The following NCOR2 variants were observed in gnomAD, a reference collection of about 807,000 sequenced individuals.
The protein encoded by NCOR2 is CTG repeat protein 26.
NCOR2 carries 81 observed loss-of-function variants against 262.9 expected under a neutral mutation model. The observed-to-expected ratio is 0.31, with a 90% CI of 0.26 to 0.37. The LOEUF is 0.37. Ranked by LOEUF, NCOR2 falls within the 10% of genes least tolerant of loss-of-function variation. The pLI, the probability that NCOR2 is intolerant of heterozygous loss-of-function variation, is 1.00. For synonymous variants in NCOR2, 1,659 were observed against 1,559.3 expected (o/e 1.06, Z -1.51); for missense variants, 3,385 against 3,621.4 (o/e 0.93, Z 1.68).
intron 31 of NCOR2, 36 bp from the exon 34 acceptor site, chr12:124,344,987 A>G (rs751713389): frequency 6.7e-7 from 1 of 1,485,422 alleles, no homozygotes; most frequent in South Asian, 1.3e-5. Flanking sequence ...AGCCCTGGCC[A>G]CAGCCATAGC....
At chr12:124,335,756 G>A (rs1403765488) in intron 38 of NCOR2, 124 bp from the exon 41 acceptor site, 1 of 1,134,014 alleles carries the variant, frequency 8.8e-7, no homozygotes, top group East Asian at 2.5e-5. Context: ...GCTAGGGGTA[G>A]GGTTTGGGCT....
At chr12:124,507,287 G>A (rs1172660066) in intron 1 of NCOR2, among the ~76,000 whole-genome samples, 2 of 152,198 alleles carry the variant, frequency 1.3e-5, no homozygotes, top group Non-Finnish European at 2.9e-5. Flanking sequence ...AAACAATATG[G>A]CTATTCTTAA....
chr12:124,341,163 C>T (rs2036421327), intron 34 of NCOR2, among the ~76,000 whole-genome samples: 1 of 152,206 alleles, frequency 6.6e-6, no homozygotes. Context: ...TGAGGATGGC[C>T]CTGGAACGTG....
intron 9 of NCOR2, among the ~76,000 whole-genome samples, chr12:124,430,072 C>T (rs2043829212): frequency 6.6e-6 from 1 of 152,250 alleles, no homozygotes; most frequent in African/African-American, 2.4e-5. Flanking sequence ...TGGCACCTGG[C>T]TGCCTAGAGC....
intron 1 of NCOR2, among the ~76,000 whole-genome samples, chr12:124,510,805 T>C (rs967833298): frequency 3.9e-5 from 6 of 152,062 alleles, no homozygotes; most frequent in African/African-American, 1.4e-4. Flanking sequence ...GGCATCTCCA[T>C]GTCCACTTGA....
At chr12:124,372,470 G>T in exon 20 of NCOR2, 1 of 1,564,262 alleles carries the variant, frequency 6.4e-7, no homozygotes, top group Non-Finnish European at 8.6e-7. Flanking sequence ...ATGTCCTCCG[G>T]TGGTGGGGTG....
rs1487526261 is a variant in NCOR2, at chr12:124,495,023, C to T, written c.105+124G>A. The T allele has an allele frequency of 4.0e-6, 5 of 1,242,496 alleles. No individual in the cohort carries two copies. Among genetic ancestry groups the T allele is most frequent in the Non-Finnish European group, 5.5e-6 (5 of 908,474 alleles). The allele number at this position is 1,242,496 out of a possible 1,614,324, so 77.0% of individuals were successfully genotyped here. A position where few individuals can be genotyped will look rare whatever the true frequency, so the allele number is the denominator to read the frequency against. On this transcript the variant is annotated intron_variant, in intron 1 of 46. Coordinates refer to ENST00000405201, the Ensembl canonical transcript of NCOR2. This position sits in a 1 kb window ranked among gnomAD's most constrained non-coding sequence, Gnocchi z 4.4. ...AGGGGTCTCTGTGGCGGCCTCCCCT[C>T]TGCCCTGGGAGGCTCAGAGCCACAT...
chr12:124,377,335 T>C (rs1291466658), intron 18 of NCOR2, among the ~76,000 whole-genome samples: 2 of 152,114 alleles, frequency 1.3e-5, no homozygotes, highest in Admixed American at 6.5e-5. Context: ...CTGGGGCGCC[T>C]GGGCCCAGGC....
At chr12:124,351,980 T>C (rs113460046) in intron 27 of NCOR2, among the ~76,000 whole-genome samples, 115 of 152,062 alleles carry the variant, frequency 7.6e-4, no homozygotes, top group Non-Finnish European at 1.4e-3. Flanking sequence ...CCCCGGGGAG[T>C]TCACCGCAGA....
intron 44 of NCOR2, among the ~76,000 whole-genome samples, chr12:124,328,049 G>A (rs1666424146): frequency 6.6e-6 from 1 of 152,054 alleles, no homozygotes; most frequent in South Asian, 2.1e-4. Context: ...TGGCCTTAAT[G>A]GAGAGGGTGG....
At chr12:124,333,582 GTACCCCAGTGCCAGC>G (rs957068231) in intron 41 of NCOR2, among the ~76,000 whole-genome samples, 1 of 151,870 alleles carries the variant, frequency 6.6e-6, no homozygotes, top group Non-Finnish European at 1.5e-5. Context: ...AATTCTGGTT[GTACCCCAGTGCCAGC>G]TACACCACTG....
At chr12:124,358,537 C>T (rs913538928) in intron 22 of NCOR2, among the ~76,000 whole-genome samples, 9 of 152,198 alleles carry the variant, frequency 5.9e-5, no homozygotes, top group African/African-American at 2.2e-4. Context: ...AGGCACTGTG[C>T]TCAGCATCCC....
chr12:124,361,396 T>A (rs546326826), intron 22 of NCOR2, among the ~76,000 whole-genome samples: 1 of 152,364 alleles, frequency 6.6e-6, no homozygotes, highest in African/African-American at 2.4e-5. Flanking sequence ...AAGATGCCTC[T>A]TTGGGGACAC....
intron 8 of NCOR2, among the ~76,000 whole-genome samples, chr12:124,435,159 G>A (rs1050418008): frequency 1.2e-4 from 18 of 152,124 alleles, no homozygotes; most frequent in African/African-American, 4.1e-4. Flanking sequence ...TCCGCACAAA[G>A]CCAGTCCTTT....
upstream of NCOR2, chr12:124,538,847 G>A (rs974876939): frequency 6.6e-6 from 1 of 152,330 alleles, no homozygotes. Flanking sequence ...GAGGGAAGGA[G>A]AGGGTGACAA....
intron 31 of NCOR2, 79 bp downstream of exon 33, chr12:124,346,485 G>C (rs2036943034): frequency 2.9e-6 from 4 of 1,368,798 alleles, no homozygotes; most frequent in Middle Eastern, 2.7e-4. Context: ...TTCCCCATGT[G>C]GAGAGGCCCA....
chr12:124,490,860 G>A (rs1593798154), intron 1 of NCOR2, among the ~76,000 whole-genome samples: 1 of 152,278 alleles, frequency 6.6e-6, no homozygotes, highest in African/African-American at 2.4e-5. Context: ...GCATCCAAGG[G>A]CACAACCAAC....
upstream of NCOR2, chr12:124,495,333 T>C: frequency 6.7e-7 from 1 of 1,490,050 alleles, no homozygotes; most frequent in Non-Finnish European, 8.9e-7. This position sits in a 1 kb window ranked among gnomAD's most constrained non-coding sequence, Gnocchi z 4.4. Context: ...AAGCCAGTCC[T>C]CGTCATCAGC....
Position 124,398,208 on chromosome 12 carries a change from CAG to C in NCOR2, c.1814-29_1814-28del, listed in dbSNP as rs748867036. On this transcript the variant is annotated intron_variant, in intron 15 of 46. Transcript: ENST00000405201. ...TGAAAAGAAGATGCCAGGTTATTGG[CAG>C]GAGCCGGGAGAGGAGGCACTTTGCC... 8.1e-6 allele frequency: 13 copies of C among 1,613,458 alleles called. No homozygotes were observed. The Admixed American group carries it at 1.8e-4, about 23-fold the overall frequency.
Sources: allele counts gnomAD v4.1 joint callset (sites outside exome capture counted in the v4.1 genomes callset), GRCh38; gene constraint gnomAD v4.1.1; non-coding constraint Gnocchi (gnomAD v3.1); transcripts MANE v1.5; gene names NCBI Gene and HGNC (gene_info 2026-07-23, HGNC 2026-07-21).